The following PDE1C variants were observed in gnomAD, a reference collection of about 807,000 sequenced individuals.
PDE1C encodes dual specificity calcium/calmodulin-dependent 3',5'-cyclic nucleotide phosphodiesterase 1C.
In PDE1C, 62 loss-of-function variants were observed where a neutral mutation model predicts 93.1. The ratio of observed to expected loss-of-function variants is 0.67; its 90% CI spans 0.54 to 0.82. The LOEUF (loss-of-function observed/expected upper bound fraction) is 0.82. Among genes scored for constraint, PDE1C ranks in the 40% least tolerant of loss-of-function variants. The pLI is 0.00. For synonymous variants in PDE1C, 325 were observed against 310.1 expected (o/e 1.05, Z -0.50); for missense variants, 742 against 884.6 (o/e 0.84, Z 2.04).
At chr7:31,716,034 G>T in the PDE1C span, among the ~76,000 whole-genome samples, 1 of 152,154 alleles carries the variant, frequency 6.6e-6, no homozygotes, top group South Asian at 2.1e-4. Flanking sequence ...GGACAGCTAA[G>T]GACCAACTGC....
At chr7:32,416,736 A>T (rs1785282978) in intron 1 of PDE1C, among the ~76,000 whole-genome samples, 1 of 152,108 alleles carries the variant, frequency 6.6e-6, no homozygotes, top group East Asian at 1.9e-4. Context: ...GCTCAGGCTC[A>T]GGATGGGGGT....
At chr7:31,859,231 A>G (rs536408019) in intron 7 of PDE1C, among the ~76,000 whole-genome samples, 286 of 149,644 alleles carry the variant, frequency 1.9e-3, no homozygotes, top group African/African-American at 6.5e-3. Flanking sequence ...GCCTATATAC[A>G]TATAGAGAGA....
chr7:31,944,131 T>G (rs1806246716), intron 2 of PDE1C, among the ~76,000 whole-genome samples: 2 of 152,104 alleles, frequency 1.3e-5, no homozygotes, highest in Admixed American at 1.3e-4. Context: ...TCATTAAAAC[T>G]TCACTTAGCC....
At chr7:32,237,595 A>G (rs77847042) in intron 1 of PDE1C, among the ~76,000 whole-genome samples, 19,795 of 151,026 alleles carry the variant, frequency 0.13, 1,510 homozygotes, top group African/African-American at 0.19. Context: ...GGCAAAAAAA[A>G]TCTCAGCAAA....
Position 31,752,138 on chromosome 7 carries a change from A to C in PDE1C, c.*1246T>G, listed in dbSNP as rs1170325477. On this transcript the variant is annotated 3_prime_UTR_variant, in exon 18 of 18. Coordinates refer to ENST00000396191, the MANE Select transcript of PDE1C (RefSeq NM_001191057.4). Reference sequence around the variant, plus strand: ...TTATGCCATCCGAGCAAGGACCTGCAACTAGTTATAGACAGAATAGGATGA... The same window carrying C: ...TTATGCCATCCGAGCAAGGACCTGCCACTAGTTATAGACAGAATAGGATGA... 6.6e-6 allele frequency: 1 copy of C among 152,236 alleles called. No homozygotes were observed. The highest frequency in any genetic ancestry group is 1.9e-4 in the East Asian group (1 of 5,192). 9.4% of individuals were successfully genotyped at this position (152,236 alleles called of 1,614,324 possible).
intron 3 of PDE1C, among the ~76,000 whole-genome samples, chr7:32,133,118 G>C (rs1028445327): frequency 9.2e-5 from 14 of 152,166 alleles, no homozygotes; most frequent in African/African-American, 3.4e-4. Flanking sequence ...GAAAAGCTAG[G>C]GTGAGGGTGC....
intron 1 of PDE1C, among the ~76,000 whole-genome samples, chr7:32,239,561 G>A (rs1053546864): frequency 6.6e-6 from 1 of 152,072 alleles, no homozygotes; most frequent in Non-Finnish European, 1.5e-5. Flanking sequence ...AGATAAACAG[G>A]CAACTCACAA....
At chr7:31,756,187 T>C (rs1375066233) in intron 17 of PDE1C, among the ~76,000 whole-genome samples, 1 of 151,916 alleles carries the variant, frequency 6.6e-6, no homozygotes, top group Non-Finnish European at 1.5e-5. Flanking sequence ...TAAATAAATA[T>C]ATGAGACAAA....
rs185406426 is a variant in PDE1C at position 31,753,272 on chromosome 7, T to C, written c.*112A>G. 29 of 1,341,438 alleles carry C rather than the reference T, an allele frequency of 2.2e-5. No individual in the cohort carries two copies. The highest frequency in any genetic ancestry group is 4.7e-5 in the Admixed American group (2 of 42,522). 83.1% of individuals were successfully genotyped at this position (1,341,438 alleles called of 1,614,324 possible). A position where few individuals can be genotyped will look rare whatever the true frequency, so the allele number is the denominator to read the frequency against. On this transcript the variant is annotated 3_prime_UTR_variant, in exon 18 of 18. Transcript: ENST00000396191. ...ACCTTGGTGGAGTCAACCAGGATAG[T>C]ACCTGCTCCAACAGCCTCCAAGGGT... is the stretch of plus-strand genomic sequence containing the variant.
At chr7:32,271,493 T>G (rs1368604069) in intron 1 of PDE1C, among the ~76,000 whole-genome samples, 3 of 152,072 alleles carry the variant, frequency 2.0e-5, no homozygotes, top group Non-Finnish European at 4.4e-5. Flanking sequence ...CACGATCATA[T>G]CCAAAATAGG....
intron 2 of PDE1C, among the ~76,000 whole-genome samples, chr7:31,998,789 C>T (rs1785089904): frequency 6.6e-6 from 1 of 152,174 alleles, no homozygotes; most frequent in Non-Finnish European, 1.5e-5. Flanking sequence ...CAAATCCCAG[C>T]CCCTGGCAAG....
At chr7:31,627,927 G>A in the PDE1C span, among the ~76,000 whole-genome samples, 1 of 152,160 alleles carries the variant, frequency 6.6e-6, no homozygotes, top group Non-Finnish European at 1.5e-5. Context: ...TATCCAAAAG[G>A]GTTTAACTGA....
intron 16 of PDE1C, among the ~76,000 whole-genome samples, chr7:31,796,614 C>T (rs544923784): frequency 2.0e-5 from 3 of 151,840 alleles, no homozygotes; most frequent in South Asian, 4.1e-4. Context: ...TACGTCCATG[C>T]TCCCAAGACT....
intron 2 of PDE1C, among the ~76,000 whole-genome samples, chr7:31,970,271 T>G (rs7794201): frequency 1.3e-5 from 2 of 152,186 alleles, no homozygotes; most frequent in African/African-American, 4.8e-5. Flanking sequence ...GAAGCCAATA[T>G]AAACACAGAT....
In PDE1C at chr7:31,955,825, G is replaced by A. The variant is rs545900259; in HGVS notation, c.129-74965C>T. 3.9e-5 allele frequency among the ~76,000 whole-genome samples: 6 copies of A among 152,278 alleles called. No individual in the cohort carries two copies. The South Asian group carries it at 8.3e-4, about 21-fold the overall frequency. On this transcript the variant is annotated intron_variant, in intron 2 of 17. Coordinates refer to ENST00000396191, the MANE Select transcript of PDE1C (RefSeq NM_001191057.4). ...CAAGAGTCCCGCCTGCCAGTGCTAC[G>A]TCACTCTGGTATCCAAAGTTCACTG...
Position 31,972,238 on chromosome 7 carries a change from T to C in PDE1C, c.128+79316A>G, listed in dbSNP as rs775651552. On this transcript the variant is annotated intron_variant, in intron 2 of 17. Coordinates refer to ENST00000396191, the MANE Select transcript of PDE1C (RefSeq NM_001191057.4). The stretch of plus-strand genomic sequence containing the variant: ...AATAGAACATTGTTAAAATATAGTT[T>C]GCAATTGCTGAGAAATACATTTGGT... Among the ~76,000 whole-genome samples the C allele has an allele frequency of 1.9e-3, 291 of 152,242 alleles. 2 individuals are homozygous for C. Among genetic ancestry groups the C allele is most frequent in the Non-Finnish European group, 2.8e-3 (191 of 68,046 alleles).
intron 3 of PDE1C, among the ~76,000 whole-genome samples, chr7:32,158,524 T>C (rs117378307): frequency 2.3e-3 from 346 of 152,290 alleles, no homozygotes; most frequent in Non-Finnish European, 4.1e-3. Context: ...GGATGTAATT[T>C]AAAAAATGGT....
the PDE1C span, among the ~76,000 whole-genome samples, chr7:31,711,612 T>G: frequency 6.6e-6 from 1 of 152,194 alleles, no homozygotes; most frequent in African/African-American, 2.4e-5. Flanking sequence ...CCTCTCTCTC[T>G]TAATTTTTGA....
intron 1 of PDE1C, among the ~76,000 whole-genome samples, chr7:32,376,431 T>G (rs1287179042): frequency 6.6e-6 from 1 of 152,250 alleles, no homozygotes; most frequent in African/African-American, 2.4e-5. Context: ...CTCTGCACTG[T>G]GCTGGCCCAC....
Sources: allele counts gnomAD v4.1 joint callset (sites outside exome capture counted in the v4.1 genomes callset), GRCh38; gene constraint gnomAD v4.1.1; transcripts MANE v1.5; gene names NCBI Gene and HGNC (gene_info 2026-07-23, HGNC 2026-07-21).